Variants in NKAIN2 observed in about 807,000 individuals in gnomAD.
NKAIN2 encodes the protein sodium/potassium-transporting ATPase subunit beta-1-interacting protein 2.
Under a neutral mutation model 32.6 loss-of-function variants are expected in NKAIN2, and 14 were observed. The ratio of observed to expected loss-of-function variants is 0.43; its 90% CI spans 0.28 to 0.67. NKAIN2 has a LOEUF of 0.67. NKAIN2 is among the 30% of genes least tolerant of loss of function. NKAIN2 has a pLI of 0.17. For missense variants in NKAIN2, 198 were observed against 258.3 expected (o/e 0.77, Z 1.60); for synonymous variants, 80 against 87.2 (o/e 0.92, Z 0.46).
intron 3 of NKAIN2, among the ~76,000 whole-genome samples, chr6:124,474,107 A>ATTT (rs66832812): frequency 6.7e-6 from 1 of 149,662 alleles, no homozygotes; most frequent in South Asian, 2.1e-4. Flanking sequence ...TTAGGACTGT[A>ATTT]TTTTTTTTTT....
intron 4 of NKAIN2, among the ~76,000 whole-genome samples, chr6:124,668,350 G>A (rs1356378068): frequency 6.6e-6 from 1 of 152,000 alleles, no homozygotes; most frequent in Non-Finnish European, 1.5e-5. Flanking sequence ...AAATTTATGA[G>A]TTATTCCATT....
intron 1 of NKAIN2, among the ~76,000 whole-genome samples, chr6:124,091,523 A>G (rs894960202): frequency 1.3e-5 from 2 of 152,068 alleles, no homozygotes; most frequent in African/African-American, 4.8e-5. Flanking sequence ...TCCATCAAAG[A>G]CCAGGGAATC....
At chr6:124,059,394 C>G (rs1782818142) in intron 1 of NKAIN2, among the ~76,000 whole-genome samples, 1 of 152,086 alleles carries the variant, frequency 6.6e-6, no homozygotes. Context: ...CTTTGCAAGG[C>G]TCCCTACCTG....
intron 1 of NKAIN2, among the ~76,000 whole-genome samples, chr6:124,025,145 AT>A (rs1409162647): frequency 6.6e-6 from 1 of 152,124 alleles, no homozygotes; most frequent in East Asian, 1.9e-4. Flanking sequence ...TTTTGCTTAG[AT>A]TGGCTAATCC....
At chr6:124,732,858 A>G (rs1327472499) in intron 4 of NKAIN2, among the ~76,000 whole-genome samples, 2 of 152,066 alleles carry the variant, frequency 1.3e-5, no homozygotes, top group African/African-American at 2.4e-5. Flanking sequence ...ATATCCATAT[A>G]AAAATCTTCT....
At chr6:124,679,691 C>T (rs942376124) in intron 4 of NKAIN2, among the ~76,000 whole-genome samples, 5 of 152,132 alleles carry the variant, frequency 3.3e-5, no homozygotes, top group Admixed American at 6.5e-5. Flanking sequence ...ATGTCACTAT[C>T]CCTAATTCAT....
chr6:124,566,007 T>C (rs920992674), intron 3 of NKAIN2, among the ~76,000 whole-genome samples: 1 of 152,198 alleles, frequency 6.6e-6, no homozygotes, highest in Non-Finnish European at 1.5e-5. Context: ...TTACAGATAA[T>C]GGAAGACTTA....
chr6:124,617,412 ATTCT>A (rs1199401315), intron 3 of NKAIN2, among the ~76,000 whole-genome samples: 1 of 152,098 alleles, frequency 6.6e-6, no homozygotes, highest in African/African-American at 2.4e-5. Flanking sequence ...TGCTCAAATC[ATTCT>A]TTCTTTTTCT....
At chr6:124,243,047 A>AC (rs983231590) in intron 1 of NKAIN2, among the ~76,000 whole-genome samples, 10 of 151,934 alleles carry the variant, frequency 6.6e-5, no homozygotes, top group African/African-American at 2.4e-4. Context: ...TTAAAAAAAA[A>AC]AAAACCCAAG....
At chr6:123,808,101 A>T (rs181572957) in intron 1 of NKAIN2, among the ~76,000 whole-genome samples, 1 of 152,256 alleles carries the variant, frequency 6.6e-6, no homozygotes, top group Non-Finnish European at 1.5e-5. Flanking sequence ...AGTGTTCATA[A>T]TCATGTGCTA....
At chr6:124,027,272 T>C (rs1361508881) in intron 1 of NKAIN2, among the ~76,000 whole-genome samples, 1 of 151,908 alleles carries the variant, frequency 6.6e-6, no homozygotes, top group Non-Finnish European at 1.5e-5. Flanking sequence ...CCCAAGTAGC[T>C]AGGATTACAG....
chr6:124,605,101 T>C (rs1416286896), intron 3 of NKAIN2, among the ~76,000 whole-genome samples: 2 of 152,210 alleles, frequency 1.3e-5, no homozygotes, highest in African/African-American at 2.4e-5. Context: ...TCTGTGTGGC[T>C]TTGTAACAAT....
At chr6:124,034,315 A>G (rs1206543704) in intron 1 of NKAIN2, among the ~76,000 whole-genome samples, 1 of 151,520 alleles carries the variant, frequency 6.6e-6, no homozygotes, top group East Asian at 1.9e-4. Flanking sequence ...CTCCATGTCT[A>G]TTGTTTCCAT....
chr6:124,745,727 GTTTC>G, intron 4 of NKAIN2, among the ~76,000 whole-genome samples: 1 of 151,840 alleles, frequency 6.6e-6, no homozygotes, highest in South Asian at 2.1e-4. Context: ...TCTCAATTGT[GTTTC>G]TGTGTATTCT....
Position 124,825,396 on chromosome 6 carries a change from T to A in NKAIN2, c.*2167T>A, listed in dbSNP as rs1191556936. ...TCATTTATGGGATCAGTAAGCACAG[T>A]AGTGTGATTATATCTGGGAAAACAT... On this transcript the variant is annotated 3_prime_UTR_variant, in exon 7 of 7. Coordinates refer to ENST00000368417, the MANE Select transcript of NKAIN2 (RefSeq NM_001040214.3). 6.6e-6 allele frequency: 1 copy of A among 152,546 alleles called. No homozygotes were observed. The highest frequency in any genetic ancestry group is 1.5e-5 in the Non-Finnish European group (1 of 68,010). The allele number at this position is 152,546 out of a possible 1,614,324, so 9.4% of individuals were successfully genotyped here.
chr6:124,007,296 A>G (rs1780117817), intron 1 of NKAIN2, among the ~76,000 whole-genome samples: 1 of 152,204 alleles, frequency 6.6e-6, no homozygotes, highest in Admixed American at 6.5e-5. Context: ...TATGTGGCAC[A>G]TAACTGTAGT....
rs546448082 is a variant in NKAIN2, at chr6:124,229,172, G to A, written c.55-53833G>A. Among the ~76,000 whole-genome samples the A allele has an allele frequency of 1.2e-4, 18 of 152,262 alleles. 1 individual carries two copies. The East Asian group carries it at 3.1e-3, about 26-fold the overall frequency. On this transcript the variant is annotated intron_variant, in intron 1 of 6. Coordinates refer to ENST00000368417, the MANE Select transcript of NKAIN2 (RefSeq NM_001040214.3). ...TTTAAAGACAGAAATTCTTTGATAG[G>A]CCAATAAGATGGAGGAAATGTACCA...
chr6:124,152,106 T>C (rs760524634), intron 1 of NKAIN2, among the ~76,000 whole-genome samples: 2 of 151,996 alleles, frequency 1.3e-5, no homozygotes, highest in African/African-American at 2.4e-5. Context: ...TTTAAATTTA[T>C]GATCTATCTC....
At chr6:124,822,655 G>A (rs887314171) in intron 6 of NKAIN2, among the ~76,000 whole-genome samples, 1 of 152,104 alleles carries the variant, frequency 6.6e-6, no homozygotes, top group African/African-American at 2.4e-5. Flanking sequence ...ACCTAAAAAG[G>A]AAAGATTTTA....
Sources: gnomAD v4.1 joint callset for allele counts (sites outside exome capture counted in the v4.1 genomes callset) on GRCh38, gnomAD v4.1.1 for gene constraint, MANE v1.5 for transcripts, NCBI Gene and HGNC (gene_info 2026-07-23, HGNC 2026-07-21) for gene names.